The following TRPM6 variants were observed in gnomAD, a reference collection of about 807,000 sequenced individuals.
The protein encoded by TRPM6 is transient receptor potential cation channel subfamily M member 6, also known as channel kinase 2.
TRPM6 carries 111 observed loss-of-function variants against 247.6 expected under a neutral mutation model. That is an observed-to-expected ratio of 0.45 (90% confidence interval 0.38 to 0.52). The LOEUF is 0.52. TRPM6 is among the 20% of genes least tolerant of loss of function. TRPM6 has a pLI of 0.00. For missense variants in TRPM6, 2,126 were observed against 2,421.5 expected (o/e 0.88, Z 2.56); for synonymous variants, 892 against 853.8 (o/e 1.04, Z -0.78).
chr9:74,866,848 A>G (rs1163299236), intron 1 of TRPM6, among the ~76,000 whole-genome samples: 2 of 152,236 alleles, frequency 1.3e-5, no homozygotes, highest in African/African-American at 2.4e-5. Context: ...TTTCATAATC[A>G]TAAAAACTAC....
chr9:74,885,600 C>G (rs1035805393), intron 1 of TRPM6, among the ~76,000 whole-genome samples: 1 of 152,094 alleles, frequency 6.6e-6, no homozygotes, highest in Non-Finnish European at 1.5e-5. Context: ...AATATCTTAC[C>G]TAACAGTGAT....
rs1826889974 is a variant in TRPM6, at chr9:74,768,107, A to AT, written c.3536+3595dup. On this transcript the variant is annotated intron_variant, in intron 25 of 38. Coordinates refer to ENST00000360774, the MANE Select transcript of TRPM6 (RefSeq NM_017662.5). ...CTTTATGATGGTTAATGTTTTTAGG[A>AT]TTTTATCATTGAATTGTTTATGTCT... is the stretch of plus-strand genomic sequence containing the variant. Among the ~76,000 whole-genome samples, 4 of 152,140 alleles carry AT rather than the reference A, an allele frequency of 2.6e-5. No homozygotes were observed. The South Asian group carries it at 8.3e-4, about 31-fold the overall frequency.
At chr9:74,820,501 C>A (rs1829100210) in intron 8 of TRPM6, 74 bp from the exon 9 acceptor site, 2 of 1,569,386 alleles carry the variant, frequency 1.3e-6, no homozygotes, top group South Asian at 1.1e-5. Context: ...CAAGAAAACA[C>A]CCCATCAGCT....
chr9:74,751,562 TCAAA>T (rs2118790656), intron 29 of TRPM6, among the ~76,000 whole-genome samples: 1 of 152,314 alleles, frequency 6.6e-6, no homozygotes, highest in Admixed American at 6.5e-5. Flanking sequence ...CAGGTAATAT[TCAAA>T]CAAAGACTTA....
intron 1 of TRPM6, among the ~76,000 whole-genome samples, chr9:74,859,498 C>T (rs887772957): frequency 1.4e-4 from 22 of 152,096 alleles, no homozygotes; most frequent in African/African-American, 5.3e-4. Context: ...CCTAGCTGGG[C>T]GTGGTGGCTC....
At chr9:74,821,470 T>G (rs578165820) in intron 8 of TRPM6, among the ~76,000 whole-genome samples, 199 bp downstream of exon 8, 1 of 152,310 alleles carries the variant, frequency 6.6e-6, no homozygotes, top group East Asian at 1.9e-4. Flanking sequence ...CAGGCCATTC[T>G]TCAGCTAAGA....
At chr9:74,754,439 C>A (rs1481065776) in intron 28 of TRPM6, among the ~76,000 whole-genome samples, 1 of 152,148 alleles carries the variant, frequency 6.6e-6, no homozygotes, top group Non-Finnish European at 1.5e-5. Context: ...TTAACAGCAT[C>A]CCTGGCCTCT....
At chr9:74,840,827 T>TAA (rs1564041852) in intron 4 of TRPM6, among the ~76,000 whole-genome samples, 2 of 62,222 alleles carry the variant, frequency 3.2e-5, no homozygotes, top group Non-Finnish European at 2.9e-5. Context: ...GGACTCTGTC[T>TAA]CAAAAAAAAA....
intron 18 of TRPM6, among the ~76,000 whole-genome samples, chr9:74,794,783 G>C (rs1332961831): frequency 5.3e-5 from 8 of 151,926 alleles, no homozygotes; most frequent in Non-Finnish European, 1.2e-4. Flanking sequence ...CATAAATTCA[G>C]ATTTTTTTTT....
intron 16 of TRPM6, among the ~76,000 whole-genome samples, chr9:74,801,653 A>G (rs149485989): frequency 1.5e-4 from 23 of 152,310 alleles, no homozygotes; most frequent in Non-Finnish European, 2.9e-4. Context: ...AAATCTGGTC[A>G]ACTGACTTGT....
chr9:74,805,133 C>T (rs2119016471), intron 14 of TRPM6, among the ~76,000 whole-genome samples: 1 of 152,258 alleles, frequency 6.6e-6, no homozygotes, highest in Middle Eastern at 3.4e-3. Flanking sequence ...ATCTCCAATC[C>T]TAATTTGTGG....
chr9:74,855,620 T>A, intron 2 of TRPM6, 55 bp from the exon 3 acceptor site: 2 of 1,108,300 alleles, frequency 1.8e-6, no homozygotes, highest in Non-Finnish European at 2.8e-6. Flanking sequence ...GAAAATACAT[T>A]TAATGCTTGT....
intron 23 of TRPM6, 153 bp from the exon 24 acceptor site, chr9:74,776,229 A>C (rs1827218142): frequency 1.4e-6 from 1 of 701,952 alleles, no homozygotes; most frequent in African/African-American, 1.7e-5. Flanking sequence ...TTCTTCTTCC[A>C]CCAAACAAAA....
At chr9:74,847,679 A>G (rs1401484564) in intron 3 of TRPM6, among the ~76,000 whole-genome samples, 1 of 151,788 alleles carries the variant, frequency 6.6e-6, no homozygotes, top group African/African-American at 2.4e-5. Context: ...AGTCATATAT[A>G]GTCAAAGTCA....
chr9:74,807,894 A>C (rs1230982243), intron 14 of TRPM6, 140 bp downstream of exon 14: 2 of 948,472 alleles, frequency 2.1e-6, no homozygotes, highest in Non-Finnish European at 3.3e-6. Flanking sequence ...AGTATACTTC[A>C]CATACAGCAG....
intron 38 of TRPM6, among the ~76,000 whole-genome samples, chr9:74,727,734 T>A (rs939253113): frequency 6.6e-6 from 1 of 152,098 alleles, no homozygotes; most frequent in African/African-American, 2.4e-5. Flanking sequence ...AAATCAGATT[T>A]AAAAAAATAT....
chr9:74,761,820 T>G lies in TRPM6; in HGVS notation c.4673-12A>C. 6.3e-7 allele frequency: 1 copy of G among 1,596,356 alleles called. No homozygotes were observed. Among genetic ancestry groups the G allele is most frequent in the Non-Finnish European group, 8.6e-7 (1 of 1,163,908 alleles). On this transcript the variant is annotated splice_polypyrimidine_tract_variant and intron_variant, in intron 26 of 38. Transcript: ENST00000360774. ...AGAGCCTGAAAGATCTGCAAGGAAA[T>G]GGTCTACATGAGAAAGTTGACAACA...
At chr9:74,738,156 T>A (rs1341027074) in intron 36 of TRPM6, among the ~76,000 whole-genome samples, 1 of 152,158 alleles carries the variant, frequency 6.6e-6, no homozygotes, top group African/African-American at 2.4e-5. Context: ...TCATTCCCCA[T>A]TTTGCTCAAA....
chr9:74,769,238 T>A (rs1039071690), intron 25 of TRPM6, among the ~76,000 whole-genome samples: 13 of 152,236 alleles, frequency 8.5e-5, no homozygotes, highest in African/African-American at 3.1e-4. Context: ...CTCTGCCTCC[T>A]GGGTTCATGT....
Sources: gnomAD v4.1 joint callset for allele counts (sites outside exome capture counted in the v4.1 genomes callset) on GRCh38, gnomAD v4.1.1 for gene constraint, MANE v1.5 for transcripts, NCBI Gene and HGNC (gene_info 2026-07-23, HGNC 2026-07-21) for gene names.